Variants in MIA2 observed in about 807,000 individuals in gnomAD.
MIA2 encodes MIA SH3 domain ER export factor 2.
MIA2 carries 127 observed loss-of-function variants against 167.8 expected under a neutral mutation model. The observed-to-expected ratio is 0.76, with a 90% CI of 0.66 to 0.88. The LOEUF is 0.88. Among genes scored for constraint, MIA2 ranks in the 40% least tolerant of loss-of-function variants. The probability of loss-of-function intolerance (pLI) is 0.00; values close to 1 mark genes in which losing one functional copy is unlikely to be tolerated. For synonymous variants in MIA2, 552 were observed against 541.9 expected (o/e 1.02, Z -0.26); for missense variants, 1,690 against 1,624.7 (o/e 1.04, Z -0.69).
chr14:39,293,856 A>C, intron 11 of MIA2, 144 bp from the exon 12 acceptor site: 1 of 637,970 alleles, frequency 1.6e-6, no homozygotes, highest in South Asian at 1.8e-5. Context: ...CCCTTTTAGC[A>C]TATGGCTAAA....
intron 3 of MIA2, among the ~76,000 whole-genome samples, chr14:39,245,429 A>G (rs1209112274): frequency 6.6e-6 from 1 of 152,284 alleles, no homozygotes; most frequent in African/African-American, 2.4e-5. Flanking sequence ...TTAAAAGTTT[A>G]TGAATTTTTG....
At chr14:39,317,715 G>C (rs1269167010) in intron 21 of MIA2, among the ~76,000 whole-genome samples, 1 of 152,142 alleles carries the variant, frequency 6.6e-6, no homozygotes, top group Non-Finnish European at 1.5e-5. Context: ...TTATGGATGA[G>C]GAAACAGCCG....
chr14:39,302,118 T>G lies in MIA2; in HGVS notation c.2620-11T>G. 6.2e-7 allele frequency: 1 copy of G among 1,612,456 alleles called. No homozygotes were observed. The highest frequency in any genetic ancestry group is 1.3e-5 in the African/African-American group (1 of 74,984). On this transcript the variant is annotated splice_polypyrimidine_tract_variant and intron_variant, in intron 14 of 28. Coordinates refer to ENST00000640607, the MANE Select transcript of MIA2 (RefSeq NM_001329214.4). ...TACCCTCTCTATTTTTCCCCTTTGTTCAATGTCAAGACTCTGACTGAACGC... is the reference window on the plus strand; with the variant it reads ...TACCCTCTCTATTTTTCCCCTTTGTGCAATGTCAAGACTCTGACTGAACGC...
At chr14:39,351,968 G>A (rs1262120285), downstream of MIA2, among the ~76,000 whole-genome samples, 2 of 151,458 alleles carry the variant, frequency 1.3e-5, no homozygotes, top group African/African-American at 4.9e-5. Flanking sequence ...AGAAGGGAAT[G>A]TTCTTAAACA....
chr14:39,238,811 A>AAAAAAAAAAAAC, intron 2 of MIA2, among the ~76,000 whole-genome samples: 3,347 of 102,712 alleles, frequency 0.033, 244 homozygotes, highest in South Asian at 0.093. Context: ...AAAAAAAAAA[A>AAAAAAAAAAAAC]CCCAAAAAAC....
At chr14:39,297,922 C>T (rs1312537338) in intron 13 of MIA2, among the ~76,000 whole-genome samples, 1 of 152,090 alleles carries the variant, frequency 6.6e-6, no homozygotes, top group Admixed American at 6.5e-5. Context: ...TTCCTACCTT[C>T]AGGCTTAGAT....
chr14:39,275,940 A>C (rs1162599540), intron 6 of MIA2, among the ~76,000 whole-genome samples: 1 of 152,218 alleles, frequency 6.6e-6, no homozygotes, highest in African/African-American at 2.4e-5. Context: ...TAGAGTTATA[A>C]AAGATTTTGG....
At chr14:39,352,171 A>G (rs1198772888), downstream of MIA2, among the ~76,000 whole-genome samples, 1 of 151,424 alleles carries the variant, frequency 6.6e-6, no homozygotes, top group African/African-American at 2.4e-5. Flanking sequence ...CCAGATTTAA[A>G]AAAAATTCTC....
chr14:39,263,942 T>C (rs2055283088), intron 6 of MIA2, among the ~76,000 whole-genome samples: 1 of 152,104 alleles, frequency 6.6e-6, no homozygotes, highest in Non-Finnish European at 1.5e-5. Context: ...GCCCTTCCTT[T>C]CTTTCTTATT....
At chr14:39,370,588 G>T in intron 23 of MIA2, 1 of 365,300 alleles carries the variant, frequency 2.7e-6, no homozygotes, top group Admixed American at 2.9e-5. Context: ...GGGCTGCTCC[G>T]GCATCCTCTT....
chr14:39,241,118 G>A (rs2054015829), intron 3 of MIA2, among the ~76,000 whole-genome samples: 1 of 152,188 alleles, frequency 6.6e-6, no homozygotes, highest in Admixed American at 6.5e-5. Flanking sequence ...GTCTTACTAA[G>A]ATAAAAGTTT....
At chr14:39,290,742 T>C (rs557536744) in intron 9 of MIA2, among the ~76,000 whole-genome samples, 1 of 152,328 alleles carries the variant, frequency 6.6e-6, no homozygotes, top group Admixed American at 6.5e-5. Flanking sequence ...TAAAAGATGC[T>C]AATATGAGTT....
At chr14:39,342,698 CGTAAATGT>C (rs893020739) in intron 25 of MIA2, among the ~76,000 whole-genome samples, 11 of 151,960 alleles carry the variant, frequency 7.2e-5, no homozygotes, top group African/African-American at 1.9e-4. Flanking sequence ...TGTTTGTGTG[CGTAAATGT>C]GTAAATAAGA....
intron 9 of MIA2, among the ~76,000 whole-genome samples, chr14:39,282,966 TC>T (rs1343319364): frequency 6.6e-6 from 1 of 152,236 alleles, no homozygotes. Flanking sequence ...TTACAAAAAT[TC>T]CGCATATAAG....
In MIA2 at chr14:39,298,443, A is replaced by ATATAT. The variant is rs1372100362; in HGVS notation, c.2497-1421_2497-1420insTATAT. On this transcript the variant is annotated intron_variant, in intron 13 of 28. Transcript: ENST00000640607. The stretch of plus-strand genomic sequence containing the variant: ...TATATATATATATATATATATATAT[A>ATATAT]AAGATTAGTTTTTCATGTGTTCGGA... Among the ~76,000 whole-genome samples the ATATAT allele has an allele frequency of 3.4e-3, 169 of 50,018 alleles. 16 individuals are homozygous for ATATAT. The highest frequency in any genetic ancestry group is 0.011 in the East Asian group (12 of 1,112). 32.8% of individuals were successfully genotyped at this position (50,018 alleles called of 152,430 possible).
At chr14:39,301,319 C>T (rs183677769) in intron 14 of MIA2, among the ~76,000 whole-genome samples, 7 of 152,308 alleles carry the variant, frequency 4.6e-5, no homozygotes, top group Admixed American at 4.6e-4. Flanking sequence ...CCCACCTTAG[C>T]CTCCCAAAGT....
At chr14:39,243,791 G>C (rs1395292169) in intron 3 of MIA2, among the ~76,000 whole-genome samples, 1 of 152,128 alleles carries the variant, frequency 6.6e-6, no homozygotes, top group Non-Finnish European at 1.5e-5. Flanking sequence ...GCTTGAACCC[G>C]GGAGGCAGAG....
intron 23 of MIA2, among the ~76,000 whole-genome samples, chr14:39,363,524 G>C (rs2074743909): frequency 6.6e-6 from 1 of 152,128 alleles, no homozygotes; most frequent in Admixed American, 6.6e-5. Flanking sequence ...GCGAGACCCT[G>C]TCTCAAATAA....
chr14:39,288,444 TATATATATATATATATATATATATA>T (rs1264149065), intron 9 of MIA2, among the ~76,000 whole-genome samples: 126 of 9,782 alleles, frequency 0.013, 12 homozygotes, highest in Non-Finnish European at 0.03. Flanking sequence ...TATATATATA[TATATATATATATATATATATATATA>T]TATATATTTT....
Sources: gnomAD v4.1 joint callset for allele counts (sites outside exome capture counted in the v4.1 genomes callset) on GRCh38, gnomAD v4.1.1 for gene constraint, MANE v1.5 for transcripts, NCBI Gene and HGNC (gene_info 2026-07-23, HGNC 2026-07-21) for gene names.